MGAM: variants seen among roughly 807,000 people sequenced by gnomAD.
MGAM encodes the protein alpha-1,4-glucosidase.
In MGAM, 253 loss-of-function variants were observed where a neutral mutation model predicts 358.8. The observed-to-expected ratio is 0.71, with a 90% CI of 0.64 to 0.78. The LOEUF is 0.78. Among genes scored for constraint, MGAM ranks in the 30% least tolerant of loss-of-function variants. The pLI, the probability that MGAM is intolerant of heterozygous loss-of-function variation, is 0.00. For missense variants in MGAM, 3,080 were observed against 3,432.6 expected (o/e 0.90, Z 2.57); for synonymous variants, 1,105 against 1,227.1 (o/e 0.90, Z 2.08).
At chr7:142,001,347 C>A (rs965647175) in intron 1 of MGAM, among the ~76,000 whole-genome samples, 1 of 152,174 alleles carries the variant, frequency 6.6e-6, no homozygotes, top group Non-Finnish European at 1.5e-5. Context: ...CTTATTCAAC[C>A]AATCCTTGGA....
chr7:142,052,335 A>G lies in MGAM; in HGVS notation c.2847A>G (p.Ala949=). The G allele has an allele frequency of 6.2e-7, 1 of 1,609,446 alleles. No homozygotes were observed. The highest frequency in any genetic ancestry group is 8.5e-7 in the Non-Finnish European group (1 of 1,177,616). The change falls in exon 25 of 71, where the codon GCA becomes GCG. Residue 949 remains alanine, a synonymous_variant. Coordinates refer to ENST00000475668, the MANE Select transcript of MGAM (RefSeq NM_001365693.1). ...ITDIDLLLGE[A]YTVEWSIKIR... ...ATATTGATCTTCTCCTGGGAGAAGC[A>G]TACACAGTGGAATGGAGCATAAAGA...
chr7:141,994,714 G>C (rs1389710667), upstream of MGAM, among the ~76,000 whole-genome samples: 1 of 152,170 alleles, frequency 6.6e-6, no homozygotes, highest in Non-Finnish European at 1.5e-5. Context: ...CCCCTATGCT[G>C]TTCTCATGAT....
chr7:142,013,061 C>G (rs1234051590), intron 3 of MGAM, among the ~76,000 whole-genome samples: 2 of 152,162 alleles, frequency 1.3e-5, no homozygotes, highest in Non-Finnish European at 2.9e-5. Context: ...ACAGACTCCA[C>G]CTCTTGACAC....
intron 21 of MGAM, among the ~76,000 whole-genome samples, chr7:142,042,845 CATATA>C (rs1475042217): frequency 7.4e-5 from 3 of 40,270 alleles, no homozygotes; most frequent in African/African-American, 2.4e-4. Flanking sequence ...ATTATATATA[CATATA>C]ATATCTAAAT....
upstream of MGAM, among the ~76,000 whole-genome samples, chr7:141,991,078 C>T (rs1192222909): frequency 6.6e-6 from 1 of 152,218 alleles, no homozygotes; most frequent in African/African-American, 2.4e-5. Context: ...TCATTAGTTA[C>T]ATGACCTGGG....
intron 35 of MGAM, among the ~76,000 whole-genome samples, chr7:142,062,931 G>C (rs944533885): frequency 2.0e-5 from 3 of 152,182 alleles, no homozygotes; most frequent in Non-Finnish European, 4.4e-5. Flanking sequence ...AGGCGTGGTG[G>C]TTCACGCCTG....
In MGAM at chr7:141,997,797, C is replaced by A. The variant is rs1453458978; in HGVS notation, c.-3+1867C>A. ...CCAGACTTGGAAGAAAAAAGCCATT[C>A]ATTAGCTACCTTATCCCTTCCCATT... On this transcript the variant is annotated intron_variant, in intron 1 of 70. Coordinates refer to ENST00000475668, the MANE Select transcript of MGAM (RefSeq NM_001365693.1). Among the ~76,000 whole-genome samples, 5 of 152,186 alleles carry A rather than the reference C, an allele frequency of 3.3e-5. No individual in the cohort carries two copies. The East Asian group carries it at 9.7e-4, about 29-fold the overall frequency.
intron 5 of MGAM, 42 bp downstream of exon 5, chr7:142,021,125 T>G (rs199526313): frequency 7.1e-7 from 1 of 1,417,028 alleles, no homozygotes; most frequent in Non-Finnish European, 9.7e-7. Context: ...TTTGAGAGAC[T>G]TTTATTCCCT....
chr7:142,063,034 A>T lies in MGAM; in HGVS notation c.4257+332A>T, dbSNP rs150158147. On this transcript the variant is annotated intron_variant, in intron 35 of 70. Coordinates refer to ENST00000475668, the MANE Select transcript of MGAM (RefSeq NM_001365693.1). ...ACCAACATGGAGAAACTCCGTCTCT[A>T]CTAAAAATACAAAATTAGTTGGGTG... Among the ~76,000 whole-genome samples the T allele has an allele frequency of 5.5e-4, 84 of 152,294 alleles. 1 individual carries two copies. In the East Asian group the frequency reaches 0.016, roughly 29 times the overall value.
rs1277103015 is a variant in MGAM at position 142,072,156 on chromosome 7, G to A, written c.5186+1038G>A. 4.1e-5 allele frequency among the ~76,000 whole-genome samples: 6 copies of A among 146,108 alleles called. 1 individual carries two copies. In the South Asian group the frequency reaches 1.3e-3, roughly 32 times the overall value. On this transcript the variant is annotated intron_variant, in intron 44 of 70. Coordinates refer to ENST00000475668, the MANE Select transcript of MGAM (RefSeq NM_001365693.1). Reference sequence around the variant, plus strand: ...TCAACTGGTTGCTCCCAGGCTTGAAGTCCAAAGTCTTTCATTAATAGGGTA... The same window carrying A: ...TCAACTGGTTGCTCCCAGGCTTGAAATCCAAAGTCTTTCATTAATAGGGTA...
In MGAM at chr7:142,038,594, C is replaced by T. The variant is rs1042988914; in HGVS notation, c.2295C>T (p.Leu765=). ...HQQFLWGPGL[L]ITPVLDEGAE... ...AGTTCTTATGGGGGCCCGGCCTCCT[C>T]ATCACTCCAGTTCTGGATGAAGTAA... is the stretch of plus-strand genomic sequence containing the variant. Residue 765 remains leucine (L), a synonymous_variant, in exon 19 of 71, where the codon CTC becomes CTT. Coordinates refer to ENST00000475668, the MANE Select transcript of MGAM (RefSeq NM_001365693.1). 5 of 1,610,734 alleles carry T rather than the reference C, an allele frequency of 3.1e-6. No individual in the cohort carries two copies. Among genetic ancestry groups the T allele is most frequent in the Admixed American group, 3.4e-5 (2 of 59,672 alleles).
At chr7:142,042,987 T>A (rs1256300682) in intron 21 of MGAM, among the ~76,000 whole-genome samples, 1 of 80,952 alleles carries the variant, frequency 1.2e-5, no homozygotes, top group African/African-American at 5.6e-5. Flanking sequence ...ATATATATTA[T>A]ATATACATAT....
Position 142,058,328 on chromosome 7 carries a change from T to C in MGAM, c.3819T>C (p.Tyr1273=), listed in dbSNP as rs1339357510. 6.2e-7 allele frequency: 1 copy of C among 1,613,924 alleles called. No individual in the cohort carries two copies. Among genetic ancestry groups the C allele is most frequent in the Non-Finnish European group, 8.5e-7 (1 of 1,179,816 alleles). ...YDEMVAAQIP[Y]DVQYSDIDYM... ...AGATGGTGGCTGCCCAGATCCCTTA[T>C]GTACGTTCTCAGTCATGGCTCTGGA... Residue 1273 remains tyrosine (Y), a splice_region_variant and synonymous_variant, in exon 31 of 71, where the codon TAT becomes TAC. Transcript: ENST00000475668.
intron 10 of MGAM, among the ~76,000 whole-genome samples, chr7:142,029,499 G>A (rs1807270760): frequency 6.6e-6 from 1 of 152,134 alleles, no homozygotes; most frequent in Non-Finnish European, 1.5e-5. Flanking sequence ...CTTATAGATA[G>A]ACATTTCCTT....
chr7:142,093,120 A>G (rs888594939), intron 59 of MGAM, among the ~76,000 whole-genome samples: 1 of 146,708 alleles, frequency 6.8e-6, no homozygotes, highest in African/African-American at 2.4e-5. Context: ...TCATAGAATT[A>G]TGGAAATAAT....
rs562639920 is a variant in MGAM, at chr7:142,105,873, G to A, written c.8244G>A (p.Thr2748=). 1.1e-5 allele frequency: 18 copies of A among 1,611,464 alleles called. No homozygotes were observed. The highest frequency in any genetic ancestry group is 8.0e-5 in the African/African-American group (6 of 74,974). ...NISLHNFTSL[T]WISTL is the part of the protein sequence containing the mutation. ...GCCTACATAATTTTACTTCATTGAC[G>A]TGGATAAGCACTCTGTGAATTTTTA... The change falls in exon 71 of 71, where the codon ACG becomes ACA. Residue 2748 remains threonine, a synonymous_variant. Transcript: ENST00000475668.
intron 7 of MGAM, among the ~76,000 whole-genome samples, chr7:142,023,861 T>C (rs1052942162): frequency 2.0e-5 from 3 of 152,178 alleles, no homozygotes; most frequent in Non-Finnish European, 4.4e-5. Flanking sequence ...TCCTTGCTTC[T>C]CAAAGTGTGT....
chr7:142,077,943 T>C (rs926243625), intron 47 of MGAM, among the ~76,000 whole-genome samples: 4 of 145,516 alleles, frequency 2.7e-5, no homozygotes, highest in African/African-American at 9.7e-5. Context: ...TCAGCTCACT[T>C]TGAGATGACA....
intron 26 of MGAM, 128 bp downstream of exon 26, chr7:142,053,112 G>C (rs1285441155): frequency 1.8e-6 from 2 of 1,088,462 alleles, no homozygotes; most frequent in Non-Finnish European, 2.6e-6. Flanking sequence ...TATCCAGAGA[G>C]CATTGAGAAA....
Sources: gnomAD v4.1 joint callset for allele counts (sites outside exome capture counted in the v4.1 genomes callset) on GRCh38, gnomAD v4.1.1 for gene constraint, MANE v1.5 for transcripts, NCBI Gene and HGNC (gene_info 2026-07-23, HGNC 2026-07-21) for gene names.